Variants in GRM5 observed in about 807,000 individuals in gnomAD.
GRM5 encodes the protein glutamate metabotropic receptor 5, also known as metabotropic glutamate receptor 5.
In GRM5, 19 loss-of-function variants were observed where a neutral mutation model predicts 83.1. The ratio of observed to expected loss-of-function variants is 0.23; its 90% CI spans 0.16 to 0.34. The LOEUF is 0.34. GRM5 is among the 10% of genes least tolerant of loss of function. GRM5 has a pLI of 1.00. For missense variants in GRM5, 1,160 were observed against 1,588.3 expected (o/e 0.73, Z 4.58); for synonymous variants, 675 against 633.6 (o/e 1.07, Z -0.98).
chr11:88,768,118 G>A (rs1220138159), intron 3 of GRM5, among the ~76,000 whole-genome samples: 1 of 151,892 alleles, frequency 6.6e-6, no homozygotes, highest in African/African-American at 2.4e-5. Flanking sequence ...TGAAAACAAG[G>A]TATCAAAGAG....
chr11:88,880,695 A>C (rs1242615291), intron 2 of GRM5, among the ~76,000 whole-genome samples: 1 of 152,178 alleles, frequency 6.6e-6, no homozygotes, highest in Admixed American at 6.5e-5. Context: ...GGCTTCAAAA[A>C]TTTGTTATCC....
chr11:88,771,233 A>T (rs1290409579), intron 3 of GRM5, among the ~76,000 whole-genome samples: 1 of 152,182 alleles, frequency 6.6e-6, no homozygotes, highest in East Asian at 1.9e-4. Context: ...GGATATATGT[A>T]TATATGAAAG....
At chr11:88,782,432 T>G (rs1050716436) in intron 3 of GRM5, among the ~76,000 whole-genome samples, 1 of 152,080 alleles carries the variant, frequency 6.6e-6, no homozygotes, top group African/African-American at 2.4e-5. Flanking sequence ...TCAGATCCCA[T>G]AAGACTTATT....
intron 2 of GRM5, among the ~76,000 whole-genome samples, chr11:88,933,611 T>C (rs1471339748): frequency 6.6e-6 from 1 of 151,878 alleles, no homozygotes; most frequent in Non-Finnish European, 1.5e-5. Flanking sequence ...TTGTAAGACC[T>C]ATTTCGTTTG....
intron 3 of GRM5, among the ~76,000 whole-genome samples, chr11:88,785,607 T>A (rs1483248775): frequency 6.6e-6 from 1 of 152,098 alleles, no homozygotes; most frequent in Non-Finnish European, 1.5e-5. Flanking sequence ...TGATGTATTA[T>A]CCTCGGAGAC....
intron 3 of GRM5, among the ~76,000 whole-genome samples, chr11:88,770,514 T>C (rs79497643): frequency 0.029 from 4,346 of 152,218 alleles, 214 homozygotes; most frequent in African/African-American, 0.098. Context: ...AAAAATGAAG[T>C]TGATTCATAG....
chr11:88,791,855 T>G (rs959756241), intron 3 of GRM5, among the ~76,000 whole-genome samples: 1 of 152,176 alleles, frequency 6.6e-6, no homozygotes. Context: ...CCTTGTATTC[T>G]GTAAATTCAT....
At position 88,506,677 on chromosome 11, in the gene GRM5, TTTGTA is replaced by T. The variant is rs1412169707; in HGVS notation, c.*1910_*1914del. The T allele has an allele frequency of 4.6e-5, 7 of 152,276 alleles. No individual in the cohort carries two copies. The highest frequency in any genetic ancestry group is 1.4e-4 in the African/African-American group (6 of 41,556). The allele number at this position is 152,276 out of a possible 1,614,324, so 9.4% of individuals were successfully genotyped here. A position where few individuals can be genotyped will look rare whatever the true frequency, so the allele number is the denominator to read the frequency against. On this transcript the variant is annotated 3_prime_UTR_variant, in exon 10 of 10. Transcript: ENST00000305447. ...GTACATTAATGTTAGCTTTTAATGT[TTTGTA>T]TTGGGAGGTTTGACTTAAAGTTGCA...
chr11:88,534,269 A>G (rs1013335784), intron 8 of GRM5, among the ~76,000 whole-genome samples: 3 of 152,166 alleles, frequency 2.0e-5, no homozygotes, highest in African/African-American at 7.2e-5. Context: ...GACGACTTGC[A>G]CTGTGTGCCT....
At chr11:88,576,481 G>A (rs1310617183) in intron 7 of GRM5, among the ~76,000 whole-genome samples, 1 of 152,154 alleles carries the variant, frequency 6.6e-6, no homozygotes, top group East Asian at 1.9e-4. Context: ...ATGAATGAAT[G>A]AATGATTAAC....
rs1361571194 is a variant in GRM5, at chr11:88,592,760, ACAATTCTCTTTCATGG to A, written c.1564-2049_1564-2034del. Among the ~76,000 whole-genome samples the A allele has an allele frequency of 2.6e-5, 4 of 152,316 alleles. No individual in the cohort carries two copies. The East Asian group carries it at 7.7e-4, about 29-fold the overall frequency. On this transcript the variant is annotated intron_variant, in intron 6 of 9. Transcript: ENST00000305447. ...CATCTATTTTGAACACGAGGTAGTG[ACAATTCTCTTTCATGG>A]CAATTTAACATTCTGGAAGTAGTGG...
intron 8 of GRM5, among the ~76,000 whole-genome samples, chr11:88,557,048 A>C (rs748449821): frequency 3.3e-5 from 5 of 152,192 alleles, no homozygotes; most frequent in Non-Finnish European, 7.3e-5. Flanking sequence ...TAAATCCACC[A>C]GTAAAGCAAT....
chr11:88,910,844 TA>T (rs528177710), intron 2 of GRM5, among the ~76,000 whole-genome samples: 327 of 12,862 alleles, frequency 0.025, 1 homozygote, highest in African/African-American at 0.039. Context: ...ATGTAGAACG[TA>T]TTTTTTTTTT....
intron 3 of GRM5, among the ~76,000 whole-genome samples, chr11:88,690,383 A>G (rs926039757): frequency 4.6e-5 from 7 of 152,174 alleles, no homozygotes; most frequent in African/African-American, 1.7e-4. Flanking sequence ...GGCATATTAT[A>G]AACCTTGAAC....
intron 2 of GRM5, among the ~76,000 whole-genome samples, chr11:88,949,054 G>A (rs987451370): frequency 3.3e-5 from 5 of 152,316 alleles, no homozygotes; most frequent in East Asian, 1.9e-4. Context: ...TGTCTAGATA[G>A]AAGGTTGATG....
At chr11:88,645,962 G>A (rs1020650584) in intron 4 of GRM5, among the ~76,000 whole-genome samples, 1 of 152,086 alleles carries the variant, frequency 6.6e-6, no homozygotes, top group African/African-American at 2.4e-5. Context: ...TTCAACTGGG[G>A]ATATAAAAAG....
intron 3 of GRM5, among the ~76,000 whole-genome samples, chr11:88,668,201 T>G (rs1009496331): frequency 8.0e-6 from 1 of 124,846 alleles, no homozygotes; most frequent in African/African-American, 2.8e-5. Context: ...TTAAAACATC[T>G]GCAGAAACTC....
intron 2 of GRM5, among the ~76,000 whole-genome samples, chr11:88,998,847 T>C (rs1406732949): frequency 6.6e-6 from 1 of 152,168 alleles, no homozygotes; most frequent in African/African-American, 2.4e-5. Context: ...AAATGGTGTA[T>C]AAATCTACAA....
intron 1 of GRM5, among the ~76,000 whole-genome samples, chr11:89,049,414 C>A (rs548312111): frequency 6.6e-6 from 1 of 152,228 alleles, no homozygotes; most frequent in Admixed American, 6.5e-5. Flanking sequence ...ATCAACTTTG[C>A]CAGCCAAGGA....
Sources: allele counts gnomAD v4.1 joint callset (sites outside exome capture counted in the v4.1 genomes callset), GRCh38; gene constraint gnomAD v4.1.1; transcripts MANE v1.5; gene names NCBI Gene and HGNC (gene_info 2026-07-23, HGNC 2026-07-21).